The following CEP112 variants were observed in gnomAD, a reference collection of about 807,000 sequenced individuals.
CEP112 encodes centrosomal protein 112.
CEP112 carries 127 observed loss-of-function variants against 153.0 expected under a neutral mutation model. The observed-to-expected ratio is 0.83, with a 90% CI of 0.72 to 0.96. The LOEUF is 0.96. Ranked by LOEUF, CEP112 falls within the 40% of genes least tolerant of loss-of-function variation. CEP112 has a pLI of 0.00. For synonymous variants in CEP112, 358 were observed against 374.4 expected, an observed-to-expected ratio of 0.96 and a Z score of 0.51; for missense variants, 1,089 against 1,101.2, an observed-to-expected ratio of 0.99 and a Z score of 0.16.
intron 19 of CEP112, among the ~76,000 whole-genome samples, chr17:65,914,391 TCTTTA>T (rs1458012728): frequency 1.3e-5 from 2 of 151,950 alleles, no homozygotes; most frequent in Admixed American, 1.3e-4. Context: ...TAGCACTGTG[TCTTTA>T]CTTTCTTTTT....
At chr17:65,790,728 C>T (rs1410295705) in intron 21 of CEP112, among the ~76,000 whole-genome samples, 2 of 152,194 alleles carry the variant, frequency 1.3e-5, no homozygotes, top group Admixed American at 6.5e-5. Context: ...GGCTCCCACC[C>T]AGGGGCCTTA....
rs183751549 is a variant in CEP112, at chr17:66,182,783, T to C, written c.106+411A>G. 4.6e-5 allele frequency among the ~76,000 whole-genome samples: 7 copies of C among 152,244 alleles called. No individual in the cohort carries two copies. The East Asian group carries it at 9.6e-4, about 21-fold the overall frequency. ...CCAACAAATAAGCATAAAAAACCAATAGATTATTTTCTGCTTTGATAGACA... is the reference window on the plus strand; with the variant it reads ...CCAACAAATAAGCATAAAAAACCAACAGATTATTTTCTGCTTTGATAGACA... On this transcript the variant is annotated intron_variant, in intron 2 of 26. Coordinates refer to ENST00000535342, the MANE Select transcript of CEP112 (RefSeq NM_001199165.4).
intron 12 of CEP112, among the ~76,000 whole-genome samples, chr17:66,053,009 A>C (rs2145928072): frequency 6.6e-6 from 1 of 152,102 alleles, no homozygotes; most frequent in African/African-American, 2.4e-5. Flanking sequence ...TGGGAGGCTT[A>C]GGCACAAGAA....
At chr17:65,651,233 C>T (rs1018628757) in intron 24 of CEP112, among the ~76,000 whole-genome samples, 5 of 152,154 alleles carry the variant, frequency 3.3e-5, no homozygotes, top group Non-Finnish European at 5.9e-5. Flanking sequence ...GTAATAGTCT[C>T]CAACTCCATT....
intron 19 of CEP112, among the ~76,000 whole-genome samples, chr17:65,916,291 G>GTGTGTGTA (rs1330577334): frequency 1.4e-5 from 2 of 145,538 alleles, no homozygotes; most frequent in African/African-American, 5.1e-5. Context: ...GTGTGTGTGT[G>GTGTGTGTA]TATGTGTGGT....
intron 22 of CEP112, among the ~76,000 whole-genome samples, chr17:65,743,752 T>C (rs116280826): frequency 0.014 from 2,016 of 148,214 alleles, 49 homozygotes; most frequent in African/African-American, 0.047. Flanking sequence ...TTGCCTTTTA[T>C]TTTTTTTTTT....
chr17:66,051,380 T>G (rs1008601866), intron 12 of CEP112, among the ~76,000 whole-genome samples: 11 of 148,620 alleles, frequency 7.4e-5, no homozygotes, highest in Non-Finnish European at 1.2e-4. Context: ...ATATAATATT[T>G]TATGTATATT....
chr17:65,745,213 C>T (rs374533739), intron 22 of CEP112, among the ~76,000 whole-genome samples: 1 of 152,068 alleles, frequency 6.6e-6, no homozygotes, highest in African/African-American at 2.4e-5. Flanking sequence ...AATATTTAGC[C>T]GATTGTGAAA....
chr17:65,862,313 G>C (rs550500964), intron 20 of CEP112, among the ~76,000 whole-genome samples: 49 of 152,332 alleles, frequency 3.2e-4, no homozygotes, highest in Non-Finnish European at 6.2e-4. Context: ...TCTTGGCCGG[G>C]CATAGTGGCT....
chr17:65,647,174 T>G (rs1293502084), intron 24 of CEP112, among the ~76,000 whole-genome samples: 1 of 15,638 alleles, frequency 6.4e-5, no homozygotes, highest in Admixed American at 9.9e-4. Context: ...TTGATTCTTG[T>G]TTTTTTTTTT....
intron 21 of CEP112, among the ~76,000 whole-genome samples, chr17:65,791,033 T>G (rs1261216359): frequency 1.4e-5 from 2 of 145,488 alleles, no homozygotes; most frequent in African/African-American, 5.0e-5. Context: ...TTGATCCCAT[T>G]TGGAATGGGG....
At chr17:65,961,283 C>T (rs1599154549) in intron 18 of CEP112, among the ~76,000 whole-genome samples, 180 bp downstream of exon 18, 1 of 152,318 alleles carries the variant, frequency 6.6e-6, no homozygotes, top group East Asian at 1.9e-4. Flanking sequence ...TCTGGCATTG[C>T]TTGAAGGATG....
chr17:65,822,642 T>C (rs1420356264), intron 21 of CEP112, among the ~76,000 whole-genome samples: 1 of 152,198 alleles, frequency 6.6e-6, no homozygotes, highest in Non-Finnish European at 1.5e-5. Context: ...CAAATGCTCA[T>C]GTATTTTCCC....
intron 4 of CEP112, among the ~76,000 whole-genome samples, chr17:66,142,932 G>A (rs976312739): frequency 6.6e-6 from 1 of 152,092 alleles, no homozygotes; most frequent in Non-Finnish European, 1.5e-5. Context: ...AGATTGCTTT[G>A]TGTATGGACA....
chr17:65,736,055 G>T (rs1245929801), intron 23 of CEP112, among the ~76,000 whole-genome samples: 1 of 152,110 alleles, frequency 6.6e-6, no homozygotes, highest in African/African-American at 2.4e-5. Flanking sequence ...ATTTGAGAGG[G>T]TCGAGTTATT....
At chr17:66,060,928 T>C (rs2066898312) in intron 11 of CEP112, among the ~76,000 whole-genome samples, 1 of 138,776 alleles carries the variant, frequency 7.2e-6, no homozygotes, top group South Asian at 2.2e-4. Context: ...TACATCAAAC[T>C]AAAAAGCTTC....
At chr17:65,999,838 G>A (rs11868930) in intron 17 of CEP112, among the ~76,000 whole-genome samples, 62,477 of 151,872 alleles carry the variant, frequency 0.41, 14,306 homozygotes, top group East Asian at 0.87. Context: ...TTCTGTTCCC[G>A]CATTAGTTTG....
chr17:65,968,363 CT>C (rs1316690395), intron 17 of CEP112, among the ~76,000 whole-genome samples: 1 of 152,152 alleles, frequency 6.6e-6, no homozygotes, highest in African/African-American at 2.4e-5. Flanking sequence ...AATATTCTCA[CT>C]TACATTCATC....
intron 21 of CEP112, among the ~76,000 whole-genome samples, chr17:65,835,931 T>C (rs948722713): frequency 7.9e-5 from 12 of 152,170 alleles, no homozygotes; most frequent in African/African-American, 2.9e-4. Context: ...AGAGGCAATA[T>C]AAGAAGATTC....
Sources: gnomAD v4.1 joint callset for allele counts (sites outside exome capture counted in the v4.1 genomes callset) on GRCh38, gnomAD v4.1.1 for gene constraint, MANE v1.5 for transcripts, NCBI Gene and HGNC (gene_info 2026-07-23, HGNC 2026-07-21) for gene names.